The following KCNIP4 variants were observed in gnomAD, a reference collection of about 807,000 sequenced individuals.
The protein encoded by KCNIP4 is potassium voltage-gated channel interacting protein 4.
Under a neutral mutation model 34.0 loss-of-function variants are expected in KCNIP4, and 12 were observed. That is an observed-to-expected ratio of 0.35 (90% CI 0.23 to 0.57). KCNIP4 has a LOEUF of 0.57. Ranked by LOEUF, KCNIP4 falls within the 20% of genes least tolerant of loss-of-function variation. KCNIP4 has a pLI of 0.83. For synonymous variants in KCNIP4, 124 were observed against 102.2 expected (o/e 1.21, Z -1.29); for missense variants, 238 against 311.7 (o/e 0.76, Z 1.78).
At chr4:20,809,428 A>G (rs1715460243) in intron 3 of KCNIP4, among the ~76,000 whole-genome samples, 1 of 152,190 alleles carries the variant, frequency 6.6e-6, no homozygotes, top group South Asian at 2.1e-4. Context: ...CCGAGAGGTC[A>G]TAACACACGA....
chr4:21,653,695 T>C (rs2108975260), intron 1 of KCNIP4, among the ~76,000 whole-genome samples: 1 of 152,338 alleles, frequency 6.6e-6, no homozygotes, highest in African/African-American at 2.4e-5. Flanking sequence ...GCATAGCACT[T>C]TACTTGCATT....
intron 1 of KCNIP4, among the ~76,000 whole-genome samples, chr4:21,151,033 T>C (rs1188327004): frequency 6.6e-6 from 1 of 152,214 alleles, no homozygotes; most frequent in Admixed American, 6.5e-5. Context: ...AAAAAGAGCC[T>C]TTCTATAATA....
intron 1 of KCNIP4, among the ~76,000 whole-genome samples, chr4:21,015,518 T>C (rs1367864950): frequency 4.9e-5 from 6 of 122,182 alleles, no homozygotes; most frequent in Non-Finnish European, 9.9e-5. Context: ...CAGATGCAGC[T>C]ATATATAATA....
rs1730319924 is a variant in KCNIP4 at position 21,943,567 on chromosome 4, G to A, written c.61+5004C>T. 2.0e-5 allele frequency among the ~76,000 whole-genome samples: 3 copies of A among 152,070 alleles called. No homozygotes were observed. The South Asian group carries it at 6.2e-4, about 32-fold the overall frequency. ...AAGAAAAGAAAGAAAGAAAAAAGGA[G>A]ATATGTTTGGAGACCAGGGAACAGT... On this transcript the variant is annotated intron_variant, in intron 1 of 8. Transcript: ENST00000382152.
At chr4:20,798,485 T>C (rs1713774085) in intron 3 of KCNIP4, among the ~76,000 whole-genome samples, 1 of 151,630 alleles carries the variant, frequency 6.6e-6, no homozygotes, top group Non-Finnish European at 1.5e-5. Flanking sequence ...GCTCCTAGCA[T>C]CCTTCTTTCT....
rs148028834 is a variant in KCNIP4, at chr4:21,742,894, G to A, written c.61+205677C>T. 8.0e-3 allele frequency among the ~76,000 whole-genome samples: 1,223 copies of A among 151,940 alleles called. 19 individuals are homozygous for A. Among genetic ancestry groups the A allele is most frequent in the African/African-American group, 0.028 (1,159 of 41,456 alleles). ...GATTAGAAGGATATCTCGGGGTAGT[G>A]GGATAGATATGCCTTTATTGCATTT... On this transcript the variant is annotated intron_variant, in intron 1 of 8. Coordinates refer to ENST00000382152, the MANE Select transcript of KCNIP4 (RefSeq NM_025221.6).
At chr4:21,149,400 A>G (rs1199254294) in intron 1 of KCNIP4, among the ~76,000 whole-genome samples, 1 of 152,158 alleles carries the variant, frequency 6.6e-6, no homozygotes, top group African/African-American at 2.4e-5. Context: ...TGAATTTTAA[A>G]TTGAATCCTG....
intron 3 of KCNIP4, among the ~76,000 whole-genome samples, chr4:20,844,432 C>T (rs1720120848): frequency 6.6e-6 from 1 of 152,162 alleles, no homozygotes; most frequent in Non-Finnish European, 1.5e-5. Context: ...AATTATTACC[C>T]ACCCTCCTTC....
At chr4:20,990,770 C>G (rs911544228) in intron 1 of KCNIP4, among the ~76,000 whole-genome samples, 17 of 152,184 alleles carry the variant, frequency 1.1e-4, no homozygotes, top group Non-Finnish European at 2.5e-4. Context: ...ATCCAGTATG[C>G]AATTTGTGGC....
intron 1 of KCNIP4, 52 bp from the exon 2 acceptor site, chr4:20,882,761 A>ACG: frequency 7.0e-7 from 1 of 1,422,364 alleles, no homozygotes; most frequent in Non-Finnish European, 9.9e-7. Flanking sequence ...GAGAAAAGGG[A>ACG]CGTGCTGCAG....
intron 5 of KCNIP4, among the ~76,000 whole-genome samples, chr4:20,748,880 GTA>G (rs1294317259): frequency 4.1e-5 from 4 of 97,958 alleles, no homozygotes; most frequent in African/African-American, 1.6e-4. Flanking sequence ...GTGTGTGTGT[GTA>G]TGTGTGTGTG....
At chr4:20,953,666 T>G (rs1733018236) in intron 1 of KCNIP4, among the ~76,000 whole-genome samples, 2 of 152,124 alleles carry the variant, frequency 1.3e-5, no homozygotes, top group Admixed American at 1.3e-4. Flanking sequence ...AGAGAGAGAC[T>G]CCGTCTCAAA....
chr4:21,199,732 A>ACACGCACACATATGTTTATTGCAG (rs1553953098), intron 1 of KCNIP4, among the ~76,000 whole-genome samples: 1 of 151,116 alleles, frequency 6.6e-6, no homozygotes, highest in Non-Finnish European at 1.5e-5. Context: ...CTATAAAGAT[A>ACACGCACACATATGTTTATTGCAG]CATGCACACA....
At chr4:21,737,924 A>AAC (rs201575034) in intron 1 of KCNIP4, among the ~76,000 whole-genome samples, 3 of 151,338 alleles carry the variant, frequency 2.0e-5, no homozygotes, top group Non-Finnish European at 4.4e-5. Context: ...CTCTACTAAA[A>AAC]ACACACACAC....
intron 1 of KCNIP4, among the ~76,000 whole-genome samples, chr4:21,270,346 A>G (rs1416415087): frequency 6.6e-6 from 1 of 152,128 alleles, no homozygotes; most frequent in East Asian, 1.9e-4. Flanking sequence ...ATTCTGCAGA[A>G]CCCAGAAGTA....
At chr4:21,086,670 G>T (rs919354670) in intron 1 of KCNIP4, among the ~76,000 whole-genome samples, 12 of 152,110 alleles carry the variant, frequency 7.9e-5, no homozygotes, top group Non-Finnish European at 1.6e-4. Context: ...CACAATTAGA[G>T]AGGTGGTTCT....
At chr4:21,650,737 C>A (rs1747422577) in intron 1 of KCNIP4, among the ~76,000 whole-genome samples, 1 of 152,164 alleles carries the variant, frequency 6.6e-6, no homozygotes, top group Admixed American at 6.5e-5. Flanking sequence ...CAACTCCAGA[C>A]ATGAAATAAC....
chr4:21,715,554 C>T (rs368054865), intron 1 of KCNIP4, among the ~76,000 whole-genome samples: 19 of 152,124 alleles, frequency 1.2e-4, no homozygotes, highest in Non-Finnish European at 1.5e-5. Context: ...CCCTTCTATG[C>T]CAGTTTTGCT....
intron 1 of KCNIP4, among the ~76,000 whole-genome samples, chr4:21,666,979 A>G (rs1447158169): frequency 6.6e-6 from 1 of 152,208 alleles, no homozygotes; most frequent in Middle Eastern, 3.2e-3. Context: ...ACAACCATTC[A>G]AAAATGTTTT....
Sources: allele counts gnomAD v4.1 joint callset (sites outside exome capture counted in the v4.1 genomes callset), GRCh38; gene constraint gnomAD v4.1.1; transcripts MANE v1.5; gene names NCBI Gene and HGNC (gene_info 2026-07-23, HGNC 2026-07-21).